RERE: variants seen among roughly 807,000 people sequenced by gnomAD.
RERE encodes the protein arginine-glutamic acid dipeptide repeats protein.
A neutral mutation model predicts 146.1 loss-of-function variants in RERE; 40 were observed. The observed-to-expected ratio is 0.27, with a 90% CI of 0.21 to 0.36. The LOEUF is 0.36. Among genes scored for constraint, RERE ranks in the 10% least tolerant of loss-of-function variants. The probability of loss-of-function intolerance (pLI) is 1.00; values close to 1 mark genes in which losing one functional copy is unlikely to be tolerated. For missense variants in RERE, 1,933 were observed against 2,138.7 expected (o/e 0.90, Z 1.90); for synonymous variants, 1,003 against 866.0 (o/e 1.16, Z -2.78).
chr1:8,361,060 G>T lies in RERE; in HGVS notation c.2447C>A (p.Pro816His). 1 of 1,438,724 alleles carries T rather than the reference G, an allele frequency of 7.0e-7. No individual in the cohort carries two copies. Among genetic ancestry groups the T allele is most frequent in the South Asian group, 1.5e-5 (1 of 67,988 alleles). The allele number at this position is 1,438,724 out of a possible 1,614,324, so 89.1% of individuals were successfully genotyped here. ...GGGATGTGGCGAGGGATGCGGCGGGGGATGCGGTGAGGGCGGCCGCTGGGG... is the reference window on the plus strand; with the variant it reads ...GGGATGTGGCGAGGGATGCGGCGGGTGATGCGGTGAGGGCGGCCGCTGGGG... ...LHPQRPPSPH[P>H]PPHPSPHPPL... Residue 816 changes from proline to histidine, a missense_variant, in exon 18 of 23, where the codon CCC becomes CAC. Pro to His is a moderately conservative substitution (Grantham distance 77, BLOSUM62 -2). Around this residue, in one of 11 missense-constraint regions of RERE, gnomAD observed 1,255 missense variants for 1,153.8 expected, o/e 1.09. Transcript: ENST00000400908.
At chr1:8,765,313 A>T (rs1303646019) in intron 1 of RERE, among the ~76,000 whole-genome samples, 1 of 152,238 alleles carries the variant, frequency 6.6e-6, no homozygotes, top group Non-Finnish European at 1.5e-5. Context: ...GACAGAAAGA[A>T]GATTAAGGGC....
chr1:8,378,786 G>C (rs1642348575), intron 12 of RERE, among the ~76,000 whole-genome samples: 2 of 152,236 alleles, frequency 1.3e-5, no homozygotes, highest in African/African-American at 4.8e-5. Context: ...TAAGGACAGG[G>C]CTTCATGGTG....
At chr1:8,448,291 C>T (rs919002420) in intron 11 of RERE, among the ~76,000 whole-genome samples, 8 of 152,134 alleles carry the variant, frequency 5.3e-5, no homozygotes, top group Middle Eastern at 3.2e-3. Flanking sequence ...AATGACTCTC[C>T]CAAGGTACAG....
Position 8,786,767 on chromosome 1 carries a change from G to C in RERE, c.-145+30393C>G, listed in dbSNP as rs568830781. 10 of 783,912 alleles carry C rather than the reference G, an allele frequency of 1.3e-5. No homozygotes were observed. In the African/African-American group the frequency reaches 1.7e-4, roughly 13 times the overall value. The allele number at this position is 783,912 out of a possible 1,614,324, so 48.6% of individuals were successfully genotyped here. On this transcript the variant is annotated intron_variant, in intron 1 of 22. Coordinates refer to ENST00000400908, the MANE Select transcript of RERE (RefSeq NM_001042681.2). ...CTGTACATCTGCCTATATTCCTTGT[G>C]ATAGCACTATGCTTTTTCATAAATA... is the stretch of plus-strand genomic sequence containing the variant.
At chr1:8,814,932 G>A (rs1281522886) in intron 1 of RERE, among the ~76,000 whole-genome samples, 1 of 152,220 alleles carries the variant, frequency 6.6e-6, no homozygotes, top group East Asian at 1.9e-4. Context: ...AACCGTGCCT[G>A]TCAAAGGACA....
In RERE at chr1:8,444,710, G is replaced by C. The variant is rs186143352; in HGVS notation, c.1203+21215C>G. ...TCCTCTGGGTGCTGTGCTTGCAATA[G>C]TGAGTGAGTTCTTGCAAGATCTGGT... On this transcript the variant is annotated intron_variant, in intron 11 of 22. Transcript: ENST00000400908. Among the ~76,000 whole-genome samples the C allele has an allele frequency of 3.3e-5, 5 of 152,274 alleles. No homozygotes were observed. The East Asian group carries it at 9.7e-4, about 29-fold the overall frequency.
At chr1:8,658,986 G>C (rs1353207191) in intron 1 of RERE, among the ~76,000 whole-genome samples, 2 of 152,170 alleles carry the variant, frequency 1.3e-5, no homozygotes, top group Admixed American at 6.5e-5. Context: ...AGCTACATTA[G>C]AAGAAGGAAC....
At chr1:8,686,471 C>T (rs966312731) in intron 1 of RERE, among the ~76,000 whole-genome samples, 4 of 152,212 alleles carry the variant, frequency 2.6e-5, no homozygotes, top group Non-Finnish European at 2.9e-5. Flanking sequence ...AAGATGTAGC[C>T]GGGCACGGTG....
At chr1:8,682,425 C>T (rs1397356612) in intron 1 of RERE, among the ~76,000 whole-genome samples, 1 of 152,132 alleles carries the variant, frequency 6.6e-6, no homozygotes, top group Non-Finnish European at 1.5e-5. Context: ...TATTATGTGG[C>T]TTGTTTTATT....
chr1:8,428,830 A>C (rs1328305662), intron 11 of RERE, among the ~76,000 whole-genome samples: 1 of 152,198 alleles, frequency 6.6e-6, no homozygotes, highest in African/African-American at 2.4e-5. Flanking sequence ...CCACGTCAAA[A>C]TGCATTAAAT....
chr1:8,375,308 CTCA>C (rs1177874335), intron 12 of RERE, among the ~76,000 whole-genome samples: 2 of 152,188 alleles, frequency 1.3e-5, no homozygotes, highest in Non-Finnish European at 2.9e-5. Flanking sequence ...GCCTCCTGAT[CTCA>C]TCATTATTTT....
At chr1:8,649,217 G>A in intron 2 of RERE, among the ~76,000 whole-genome samples, 1 of 152,146 alleles carries the variant, frequency 6.6e-6, no homozygotes, top group Middle Eastern at 3.2e-3. Flanking sequence ...CAGGAGTAAT[G>A]GCTGACAGAC....
intron 1 of RERE, among the ~76,000 whole-genome samples, chr1:8,678,223 T>G (rs1269354099): frequency 6.6e-6 from 1 of 152,214 alleles, no homozygotes; most frequent in Non-Finnish European, 1.5e-5. Context: ...TTTTCATTAT[T>G]CACTAACAAG....
intron 10 of RERE, among the ~76,000 whole-genome samples, chr1:8,483,910 G>C (rs1644866513): frequency 6.6e-6 from 1 of 152,146 alleles, no homozygotes; most frequent in Non-Finnish European, 1.5e-5. Flanking sequence ...AATCTTTGTT[G>C]CATGATTATA....
intron 12 of RERE, among the ~76,000 whole-genome samples, chr1:8,417,513 CCAAA>C (rs1462982912): frequency 2.6e-5 from 4 of 152,174 alleles, no homozygotes; most frequent in African/African-American, 9.7e-5. Context: ...GCCCTTGGTG[CCAAA>C]CAGTGACACA....
chr1:8,654,609 T>C (rs1638225850), intron 2 of RERE, among the ~76,000 whole-genome samples: 1 of 152,020 alleles, frequency 6.6e-6, no homozygotes. Flanking sequence ...TACTGGCTTC[T>C]GTAAGAAAGG....
At chr1:8,771,534 A>G (rs868366669) in intron 1 of RERE, among the ~76,000 whole-genome samples, 1 of 151,482 alleles carries the variant, frequency 6.6e-6, no homozygotes, top group Non-Finnish European at 1.5e-5. Context: ...AAAAAAAAAA[A>G]AAAACTATTA....
At chr1:8,458,003 G>T (rs999020721) in intron 11 of RERE, among the ~76,000 whole-genome samples, 1 of 152,054 alleles carries the variant, frequency 6.6e-6, no homozygotes, top group East Asian at 1.9e-4. Flanking sequence ...TTCACTTCCT[G>T]TTTCCTTCTC....
intron 8 of RERE, among the ~76,000 whole-genome samples, chr1:8,499,835 A>T (rs1344942174): frequency 3.9e-5 from 6 of 152,252 alleles, no homozygotes; most frequent in Non-Finnish European, 7.3e-5. Context: ...TTAAAACACA[A>T]TGGGCCTGGC....
Sources: allele counts gnomAD v4.1 joint callset (sites outside exome capture counted in the v4.1 genomes callset), GRCh38; gene constraint gnomAD v4.1.1; regional missense constraint gnomAD v4.1.1; transcripts MANE v1.5; gene names NCBI Gene and HGNC (gene_info 2026-07-23, HGNC 2026-07-21).